SHROOM4: variants seen among roughly 807,000 people sequenced by gnomAD.
SHROOM4 encodes shroom family member 4, also known as protein Shroom4.
A neutral mutation model predicts 80.3 loss-of-function variants in SHROOM4; 17 were observed. The observed-to-expected ratio is 0.21, with a 90% confidence interval of 0.14 to 0.32. The LOEUF is 0.32. SHROOM4 is among the 10% of genes least tolerant of loss of function. The probability of loss-of-function intolerance (pLI) is 1.00; values close to 1 mark genes in which losing one functional copy is unlikely to be tolerated. For missense variants in SHROOM4, 993 were observed against 1,140.3 expected (o/e 0.87, Z 1.86); for synonymous variants, 400 against 437.5 (o/e 0.91, Z 1.07).
intron 5 of SHROOM4, among the ~76,000 whole-genome samples, chrX:50,618,275 T>C (rs1374809727): frequency 3.2e-5 from 3 of 92,583 alleles, no homozygotes; most frequent in Non-Finnish European, 6.6e-5. Flanking sequence ...TTCTCTTCTC[T>C]TCCCCTTCCT....
intron 1 of SHROOM4, among the ~76,000 whole-genome samples, chrX:50,795,744 G>A (rs888210697): frequency 7.1e-5 from 8 of 111,898 alleles, no homozygotes; most frequent in Non-Finnish European, 1.3e-4. Context: ...GCCTTTCTGG[G>A]TTAAAATCCT....
chrX:50,576,112 T>C, the SHROOM4 span, among the ~76,000 whole-genome samples: 1,382 of 111,528 alleles, frequency 0.012, 12 homozygotes, highest in South Asian at 0.044. Context: ...ACCCTGCTTG[T>C]ACCACTGGGG....
At chrX:50,767,687 T>TAA (rs111464757) in intron 1 of SHROOM4, among the ~76,000 whole-genome samples, 1 of 110,439 alleles carries the variant, frequency 9.1e-6, no homozygotes, top group African/African-American at 3.3e-5. Context: ...GGGGTATTGC[T>TAA]AAAAAAAATG....
At chrX:50,705,496 G>A (rs936640585) in intron 1 of SHROOM4, among the ~76,000 whole-genome samples, 1 of 111,181 alleles carries the variant, frequency 9.0e-6, no homozygotes, top group African/African-American at 3.3e-5. Flanking sequence ...AAAAAGAGAG[G>A]ACCAGATTTT....
intron 2 of SHROOM4, among the ~76,000 whole-genome samples, chrX:50,693,357 C>T (rs1182516009): frequency 3.6e-5 from 4 of 109,822 alleles, no homozygotes; most frequent in Admixed American, 2.9e-4. Context: ...ACTTGAGGTC[C>T]GAAGTTCGCA....
Position 50,607,687 on chromosome X carries a change from G to C in SHROOM4, c.3455C>G (p.Ala1152Gly), listed in dbSNP as rs782382259. 8 of 1,179,495 alleles carry C rather than the reference G, an allele frequency of 6.8e-6. No homozygotes were observed. The African/African-American group carries it at 1.4e-4, about 21-fold the overall frequency. Residue 1152 changes from alanine to glycine, a missense_variant, in exon 6 of 9, where the codon GCA (alanine) becomes GGA (glycine). Coordinates refer to ENST00000376020, the MANE Select transcript of SHROOM4 (RefSeq NM_020717.5). ...TGGCAGCTCCTCTTCCTCCTCCTCT[G>C]CCTCCTCCTCCTCCTCTTCCTCTTC... The part of the protein sequence containing the change: ...EEEEEEEEEE[A>G]EEEEEELPPQ...
At position 50,592,126 on chromosome X, in the gene SHROOM4, G is replaced by A. The variant is rs781875448; in HGVS notation, c.*4569C>T. On this transcript the variant is annotated 3_prime_UTR_variant, in exon 9 of 9. Coordinates refer to ENST00000376020, the MANE Select transcript of SHROOM4 (RefSeq NM_020717.5). Reference sequence around the variant, plus strand: ...CCAGGCAGGTAGTTGTGAGCAACACGAGAAGAGCAAGAATATGCCTGGGAT... The same window carrying A: ...CCAGGCAGGTAGTTGTGAGCAACACAAGAAGAGCAAGAATATGCCTGGGAT... 1.8e-4 allele frequency: 59 copies of A among 328,186 alleles called. No individual in the cohort carries two copies. Among genetic ancestry groups the A allele is most frequent in the Non-Finnish European group, 3.2e-4 (54 of 169,874 alleles). The allele number at this position is 328,186 out of a possible 1,213,427, so 27.0% of individuals were successfully genotyped here. A position where few individuals can be genotyped will look rare whatever the true frequency, so the allele number is the denominator to read the frequency against.
chrX:50,691,322 A>G (rs1354166814), intron 2 of SHROOM4, among the ~76,000 whole-genome samples: 1 of 111,804 alleles, frequency 8.9e-6, no homozygotes, highest in Non-Finnish European at 1.9e-5. Context: ...CTTGGGATCA[A>G]CATGGTTGTG....
rs192604089 is a variant in SHROOM4, at chrX:50,732,169, A to C, written c.118-36232T>G. 1.6e-3 allele frequency among the ~76,000 whole-genome samples: 174 copies of C among 108,576 alleles called. 3 individuals carry two copies. In the East Asian group the frequency reaches 0.043, roughly 27 times the overall value. The allele number at this position is 108,576 out of a possible 115,157, so 94.3% of individuals were successfully genotyped here. On this transcript the variant is annotated intron_variant, in intron 1 of 8. Transcript: ENST00000376020. ...TGGGTGTGGCCAAGGAAAGAGGATA[A>C]CAGCCCTGCCAGTACCACCACAGTC...
chrX:50,628,010 C>T (rs1930878390), intron 4 of SHROOM4, among the ~76,000 whole-genome samples: 1 of 112,340 alleles, frequency 8.9e-6, no homozygotes, highest in Non-Finnish European at 1.9e-5. Flanking sequence ...CTTGCCTGCA[C>T]AGAGAGATGG....
intron 1 of SHROOM4, among the ~76,000 whole-genome samples, chrX:50,794,415 T>C (rs1280893174): frequency 9.0e-6 from 1 of 110,675 alleles, no homozygotes; most frequent in African/African-American, 3.3e-5. Flanking sequence ...TGGCAAATTT[T>C]AGACAGAACT....
At chrX:50,623,570 G>A (rs1301533113) in intron 5 of SHROOM4, among the ~76,000 whole-genome samples, 1 of 112,141 alleles carries the variant, frequency 8.9e-6, no homozygotes, top group Non-Finnish European at 1.9e-5. Flanking sequence ...ACTCTCTTTT[G>A]CTGGTGGGAA....
At position 50,627,603 on chromosome X, in the gene SHROOM4, C is replaced by G; in HGVS notation, c.2957+11G>C. ...CACCAACCCACCCCAACTCCCTGAG[C>G]GCTCACTTACCTCCCTGACTGGCTG... On this transcript the variant is annotated intron_variant, in intron 5 of 8. Transcript: ENST00000376020. 8.3e-7 allele frequency: 1 copy of G among 1,206,306 alleles called. No individual in the cohort carries two copies. Among genetic ancestry groups the G allele is most frequent in the Non-Finnish European group, 1.1e-6 (1 of 890,582 alleles).
intron 5 of SHROOM4, among the ~76,000 whole-genome samples, chrX:50,611,144 C>CTTTTTTTTTTTTTTTTTTT (rs782473243): frequency 1.5e-5 from 1 of 68,218 alleles, no homozygotes; most frequent in East Asian, 4.6e-4. Flanking sequence ...TTCTTTTTTT[C>CTTTTTTTTTTTTTTTTTTT]TTTTTTTTTT....
intron 1 of SHROOM4, among the ~76,000 whole-genome samples, chrX:50,722,524 CAA>C (rs1934139927): frequency 9.0e-6 from 1 of 110,728 alleles, no homozygotes; most frequent in South Asian, 3.9e-4. Context: ...TAAAATGAAC[CAA>C]AAGCATTTAA....
At chrX:50,654,817 G>T (rs1932243283) in intron 2 of SHROOM4, among the ~76,000 whole-genome samples, 1 of 108,488 alleles carries the variant, frequency 9.2e-6, no homozygotes, top group Non-Finnish European at 1.9e-5. Flanking sequence ...TTCAGGGGGT[G>T]CATGTGCAGG....
chrX:50,608,301 G>A (rs1252760916), intron 5 of SHROOM4, 117 bp from the exon 6 acceptor site: 4 of 593,707 alleles, frequency 6.7e-6, no homozygotes, highest in Non-Finnish European at 1.1e-5. Context: ...AGTATGTGTA[G>A]TAAATGTAAT....
chrX:50,610,785 C>T (rs1457883099), intron 5 of SHROOM4, among the ~76,000 whole-genome samples: 1 of 112,052 alleles, frequency 8.9e-6, no homozygotes, highest in Non-Finnish European at 1.9e-5. Flanking sequence ...AAGAAGGGCA[C>T]TATAATGTTA....
rs782457315 is a variant in SHROOM4 at position 50,813,136 on chromosome X, T to TGGCGGCGGC, written c.117+757_117+765dup. 3.9e-3 allele frequency among the ~76,000 whole-genome samples: 381 copies of TGGCGGCGGC among 97,698 alleles called. 3 individuals are homozygous for TGGCGGCGGC. Among genetic ancestry groups the TGGCGGCGGC allele is most frequent in the African/African-American group, 5.9e-3 (164 of 27,584 alleles). The allele number at this position is 97,698 out of a possible 115,157, so 84.8% of individuals were successfully genotyped here. ...ACAGACTCCTAAAACAAACAAACCC[T>TGGCGGCGGC]GGCGGCGGCGGCGGCGGCGGCAGTG... On this transcript the variant is annotated intron_variant, in intron 1 of 8. Coordinates refer to ENST00000376020, the MANE Select transcript of SHROOM4 (RefSeq NM_020717.5).
Sources: allele counts gnomAD v4.1 joint callset (sites outside exome capture counted in the v4.1 genomes callset), GRCh38; gene constraint gnomAD v4.1.1; transcripts MANE v1.5; gene names NCBI Gene and HGNC (gene_info 2026-07-23, HGNC 2026-07-21).